The following PDE5A variants were observed in gnomAD, a reference collection of about 807,000 sequenced individuals.
PDE5A encodes cGMP-specific 3',5'-cyclic phosphodiesterase.
PDE5A carries 67 observed loss-of-function variants against 110.2 expected under a neutral mutation model. That is an observed-to-expected ratio of 0.61 (90% confidence interval 0.50 to 0.75). The LOEUF is 0.75. PDE5A is among the 30% of genes least tolerant of loss of function. The probability of loss-of-function intolerance (pLI) is 0.00; values close to 1 mark genes in which losing one functional copy is unlikely to be tolerated. For missense variants in PDE5A, 862 were observed against 1,045.1 expected, an observed-to-expected ratio of 0.82 and a Z score of 2.42; for synonymous variants, 328 against 351.2, an observed-to-expected ratio of 0.93 and a Z score of 0.74.
rs1262602859 is a variant in PDE5A at position 119,498,012 on chromosome 4, A to C, written c.*589T>G. On this transcript the variant is annotated 3_prime_UTR_variant, in exon 21 of 21. Transcript: ENST00000354960. Reference sequence around the variant, plus strand: ...TCTCACAAAACAGCATATCAATTAAATAATGTTTTCTTTACAATACAGTTT... The same window carrying C: ...TCTCACAAAACAGCATATCAATTAACTAATGTTTTCTTTACAATACAGTTT... 6.6e-6 allele frequency: 1 copy of C among 152,264 alleles called. No homozygotes were observed. The highest frequency in any genetic ancestry group is 1.5e-5 in the Non-Finnish European group (1 of 68,080). The allele number at this position is 152,264 out of a possible 1,614,324, so 9.4% of individuals were successfully genotyped here.
chr4:119,561,515 C>A (rs146149844), intron 6 of PDE5A, among the ~76,000 whole-genome samples: 1 of 151,970 alleles, frequency 6.6e-6, no homozygotes, highest in Non-Finnish European at 1.5e-5. Context: ...CCATTGAGTG[C>A]GAATTAAAGT....
intron 3 of PDE5A, among the ~76,000 whole-genome samples, chr4:119,585,946 A>T (rs1445969206): frequency 2.0e-5 from 3 of 152,200 alleles, no homozygotes; most frequent in Non-Finnish European, 4.4e-5. Flanking sequence ...ATTTCTCCCA[A>T]GAACCTCTTG....
chr4:119,495,428 T>C lies in PDE5A; in HGVS notation c.*3173A>G, dbSNP rs1725027253. 1 of 152,354 alleles carries C rather than the reference T, an allele frequency of 6.6e-6. No homozygotes were observed. Among genetic ancestry groups the C allele is most frequent in the Admixed American group, 6.6e-5 (1 of 15,266 alleles). 9.4% of individuals were successfully genotyped at this position (152,354 alleles called of 1,614,324 possible). ...CGATGACATTTTGTATCCTCTCATA[T>C]TAAATCAATCTTGTAAACAAAAGAC... On this transcript the variant is annotated 3_prime_UTR_variant, in exon 21 of 21. Transcript: ENST00000354960.
chr4:119,590,382 T>A (rs1162820465), intron 3 of PDE5A, among the ~76,000 whole-genome samples: 1 of 152,194 alleles, frequency 6.6e-6, no homozygotes, highest in Non-Finnish European at 1.5e-5. Context: ...GGACTGGCTC[T>A]CTTCTCTCCC....
intron 11 of PDE5A, among the ~76,000 whole-genome samples, chr4:119,534,494 A>G (rs10034450): frequency 0.26 from 39,955 of 151,988 alleles, 5,391 homozygotes; most frequent in East Asian, 0.38. Flanking sequence ...TACTGACTAT[A>G]TCTCCATTCC....
chr4:119,621,870 A>G (rs898872455), intron 1 of PDE5A, among the ~76,000 whole-genome samples: 8 of 152,194 alleles, frequency 5.3e-5, no homozygotes, highest in African/African-American at 1.7e-4. Flanking sequence ...TACATTACTT[A>G]AGTTTGAAAA....
At chr4:119,596,664 T>A (rs763601565) in intron 2 of PDE5A, 52 bp from the exon 3 acceptor site, 1 of 1,046,518 alleles carries the variant, frequency 9.6e-7, no homozygotes, top group South Asian at 1.6e-5. Flanking sequence ...CAAAGATTGA[T>A]TTGATTTTTC....
intron 3 of PDE5A, among the ~76,000 whole-genome samples, chr4:119,577,051 A>C (rs927225331): frequency 6.6e-6 from 1 of 152,238 alleles, no homozygotes; most frequent in African/African-American, 2.4e-5. Context: ...AGAGACTACT[A>C]TAAACACCTC....
chr4:119,542,968 G>A (rs1726995541), intron 9 of PDE5A: 1 of 209,856 alleles, frequency 4.8e-6, no homozygotes, highest in Non-Finnish European at 9.6e-6. Flanking sequence ...CACTTGCCAA[G>A]AGAACGATTT....
intron 2 of PDE5A, 39 bp from the exon 3 acceptor site, chr4:119,596,651 G>C (rs1277416698): frequency 1.8e-6 from 2 of 1,122,800 alleles, no homozygotes; most frequent in Non-Finnish European, 2.6e-6. Context: ...TGACTGACCT[G>C]TTCAAAGATT....
chr4:119,508,049 C>G (rs1237410285), intron 15 of PDE5A, among the ~76,000 whole-genome samples: 1 of 151,766 alleles, frequency 6.6e-6, no homozygotes, highest in Admixed American at 6.6e-5. Flanking sequence ...AAAAAAAAGC[C>G]ATATTAATGG....
At position 119,496,185 on chromosome 4, in the gene PDE5A, CTG is replaced by C. The variant is rs1356651809; in HGVS notation, c.*2414_*2415del. 1 of 152,080 alleles carries C rather than the reference CTG, an allele frequency of 6.6e-6. No homozygotes were observed. Among genetic ancestry groups the C allele is most frequent in the Non-Finnish European group, 1.5e-5 (1 of 68,026 alleles). 9.4% of individuals were successfully genotyped at this position (152,080 alleles called of 1,614,324 possible). On this transcript the variant is annotated 3_prime_UTR_variant, in exon 21 of 21. Transcript: ENST00000354960. ...AATTGTAATTAAATGGTATGTTACTCTGTTATAACTAAACAAACAAAAAATCT... is the reference window on the plus strand; with the variant it reads ...AATTGTAATTAAATGGTATGTTACTCTTATAACTAAACAAACAAAAAATCT...
intron 10 of PDE5A, among the ~76,000 whole-genome samples, chr4:119,540,457 C>T (rs1318110336): frequency 6.6e-6 from 1 of 150,676 alleles, no homozygotes; most frequent in Non-Finnish European, 1.5e-5. Context: ...ATTGATGGGT[C>T]ATGGCTATAA....
At chr4:119,621,962 A>G (rs1229393786) in intron 1 of PDE5A, among the ~76,000 whole-genome samples, 3 of 152,110 alleles carry the variant, frequency 2.0e-5, no homozygotes, top group African/African-American at 7.2e-5. Context: ...CCAAGTCAGG[A>G]GATCAAGACC....
chr4:119,530,262 T>C (rs1273362283), intron 11 of PDE5A, among the ~76,000 whole-genome samples: 1 of 152,154 alleles, frequency 6.6e-6, no homozygotes, highest in Non-Finnish European at 1.5e-5. Context: ...CTCTGGGCTT[T>C]AAATTTTTGG....
chr4:119,554,496 T>C (rs1727473625), intron 7 of PDE5A, among the ~76,000 whole-genome samples: 1 of 152,172 alleles, frequency 6.6e-6, no homozygotes, highest in Admixed American at 6.5e-5. Context: ...GAATGGAACA[T>C]GTTTTTTCAT....
intron 1 of PDE5A, among the ~76,000 whole-genome samples, chr4:119,609,452 G>A (rs920099656): frequency 3.9e-5 from 6 of 152,122 alleles, no homozygotes; most frequent in African/African-American, 1.4e-4. Context: ...ATGTAAAAGA[G>A]TTTGAAAAGA....
chr4:119,615,338 C>G (rs763847298), intron 1 of PDE5A, among the ~76,000 whole-genome samples: 4 of 152,144 alleles, frequency 2.6e-5, no homozygotes, highest in Non-Finnish European at 4.4e-5. Context: ...TTCAACATAT[C>G]TAAGAATTTG....
At chr4:119,597,558 G>A (rs945039630) in intron 2 of PDE5A, among the ~76,000 whole-genome samples, 1 of 152,032 alleles carries the variant, frequency 6.6e-6, no homozygotes, top group African/African-American at 2.4e-5. Context: ...ATAAACATCT[G>A]AATGAGTGCT....
Sources: gnomAD v4.1 joint callset for allele counts (sites outside exome capture counted in the v4.1 genomes callset) on GRCh38, gnomAD v4.1.1 for gene constraint, MANE v1.5 for transcripts, NCBI Gene and HGNC (gene_info 2026-07-23, HGNC 2026-07-21) for gene names.